The following DCAF6 variants were observed in gnomAD, a reference collection of about 807,000 sequenced individuals.
DCAF6 encodes DDB1 and CUL4 associated factor 6.
Under a neutral mutation model 125.1 loss-of-function variants are expected in DCAF6, and 54 were observed. The ratio of observed to expected loss-of-function variants is 0.43; its 90% CI spans 0.35 to 0.54. DCAF6 has a LOEUF of 0.54. DCAF6 is among the 20% of genes least tolerant of loss of function. The probability of loss-of-function intolerance (pLI) is 0.01; values close to 1 mark genes in which losing one functional copy is unlikely to be tolerated. For synonymous variants in DCAF6, 371 were observed against 390.4 expected (o/e 0.95, Z 0.58); for missense variants, 934 against 1,161.7 (o/e 0.80, Z 2.85).
At chr1:168,063,242 T>G (rs1490869014) in intron 17 of DCAF6, among the ~76,000 whole-genome samples, 2 of 152,226 alleles carry the variant, frequency 1.3e-5, no homozygotes, top group Non-Finnish European at 2.9e-5. Context: ...TCTTTATGTG[T>G]TTTCTTAATA....
chr1:167,994,532 A>G (rs1424182008), intron 7 of DCAF6, among the ~76,000 whole-genome samples: 1 of 152,198 alleles, frequency 6.6e-6, no homozygotes, highest in Admixed American at 6.5e-5. Context: ...CAAAATAAAT[A>G]TAAGTGGGAA....
chr1:167,915,431 T>C, the DCAF6 span, among the ~76,000 whole-genome samples: 1 of 152,204 alleles, frequency 6.6e-6, no homozygotes, highest in African/African-American at 2.4e-5. Flanking sequence ...TAAAGAAAAG[T>C]ACTTTCTGGG....
chr1:168,047,003 A>G (rs1007936494), intron 16 of DCAF6, among the ~76,000 whole-genome samples: 29 of 152,152 alleles, frequency 1.9e-4, no homozygotes, highest in Admixed American at 1.3e-4. Flanking sequence ...ATGCAGGCTA[A>G]TTATAACACT....
chr1:167,983,821 A>T (rs966909814), intron 4 of DCAF6, among the ~76,000 whole-genome samples: 1 of 152,118 alleles, frequency 6.6e-6, no homozygotes, highest in African/African-American at 2.4e-5. Flanking sequence ...ATTGCTGTTG[A>T]TTATTTTTGA....
chr1:167,960,947 G>C (rs1178620678), intron 2 of DCAF6, among the ~76,000 whole-genome samples: 1 of 152,064 alleles, frequency 6.6e-6, no homozygotes, highest in Admixed American at 6.5e-5. Flanking sequence ...TTGACATCTT[G>C]AAAATACTGA....
chr1:168,017,535 G>A (rs1685145208), intron 11 of DCAF6, among the ~76,000 whole-genome samples: 1 of 152,042 alleles, frequency 6.6e-6, no homozygotes, highest in Non-Finnish European at 1.5e-5. Flanking sequence ...GCTTTAGAGT[G>A]AATGTGTGGT....
At chr1:167,998,234 A>G (rs1043767649) in intron 7 of DCAF6, among the ~76,000 whole-genome samples, 2 of 152,226 alleles carry the variant, frequency 1.3e-5, no homozygotes, top group Non-Finnish European at 2.9e-5. Context: ...AGTGTGCAAT[A>G]GCATTATATC....
At chr1:168,002,852 A>G (rs184655260) in intron 8 of DCAF6, among the ~76,000 whole-genome samples, 3 of 152,248 alleles carry the variant, frequency 2.0e-5, no homozygotes, top group East Asian at 1.9e-4. Context: ...CCATTACCCC[A>G]TAGTACGTTG....
chr1:167,873,150 G>A, the DCAF6 span, among the ~76,000 whole-genome samples: 3 of 152,140 alleles, frequency 2.0e-5, no homozygotes, highest in Non-Finnish European at 4.4e-5. Context: ...TAGAAAGAAG[G>A]TTAGGATTCT....
chr1:167,894,907 G>T, the DCAF6 span, among the ~76,000 whole-genome samples: 1 of 152,110 alleles, frequency 6.6e-6, no homozygotes, highest in African/African-American at 2.4e-5. Context: ...ACTGCAGGCC[G>T]AGCACGGTGG....
chr1:167,981,521 C>T (rs527734349), intron 4 of DCAF6, among the ~76,000 whole-genome samples: 2 of 152,312 alleles, frequency 1.3e-5, no homozygotes, highest in South Asian at 2.1e-4. Flanking sequence ...TTCACCCCTT[C>T]CTTCCCTTTC....
chr1:168,067,121 A>G (rs114306523), intron 20 of DCAF6, among the ~76,000 whole-genome samples: 2,788 of 152,236 alleles, frequency 0.018, 78 homozygotes, highest in African/African-American at 0.064. Flanking sequence ...CTCATATACT[A>G]TTTCTTATGA....
intron 13 of DCAF6, among the ~76,000 whole-genome samples, chr1:168,039,428 A>C (rs1688221241): frequency 6.6e-6 from 1 of 151,196 alleles, no homozygotes; most frequent in Admixed American, 6.6e-5. Flanking sequence ...TTTATTGCTC[A>C]TTAATCTAAT....
Position 168,004,592 on chromosome 1 carries a change from G to A in DCAF6, c.1177G>A (p.Glu393Lys), listed in dbSNP as rs996171977. Residue 393 changes from glutamate (E) to lysine (K), a missense_variant, in exon 10 of 22, where the codon GAA becomes AAA. By Grantham distance (56) the Glu-to-Lys change is moderately conservative. This residue lies in a region of DCAF6 where 559 missense variants were observed against 635.5 expected (regional missense o/e 0.88). Coordinates refer to ENST00000367840, the MANE Select transcript of DCAF6 (RefSeq NM_001198956.2). The part of the protein sequence containing the change: ...LPTVPSSPDL[E>K]VSETAMEVDT... ...TACGGTCCCATCAAGTCCTGATTTG[G>A]AAGTGAGTGAAACTGCAATGGAAGT... 2.0e-5 allele frequency: 32 copies of A among 1,611,834 alleles called. No homozygotes were observed. The highest frequency in any genetic ancestry group is 2.6e-5 in the Non-Finnish European group (31 of 1,178,860).
At chr1:167,937,929 G>T (rs150195695) in intron 1 of DCAF6, among the ~76,000 whole-genome samples, 10 of 152,140 alleles carry the variant, frequency 6.6e-5, no homozygotes, top group African/African-American at 1.9e-4. Context: ...TTTGCCACTT[G>T]CTAGTTAAAA....
At chr1:167,933,887 G>A (rs1234683989), upstream of DCAF6, among the ~76,000 whole-genome samples, 1 of 152,140 alleles carries the variant, frequency 6.6e-6, no homozygotes, top group Admixed American at 6.5e-5. Context: ...GAGTCTAAGT[G>A]CAAACGCTGT....
chr1:167,884,956 A>G, the DCAF6 span, among the ~76,000 whole-genome samples: 1 of 152,116 alleles, frequency 6.6e-6, no homozygotes, highest in African/African-American at 2.4e-5. Flanking sequence ...TTGGCCTCCC[A>G]AAGTGCTGGG....
At chr1:168,007,124 C>T (rs936096432) in intron 10 of DCAF6, among the ~76,000 whole-genome samples, 1 of 152,168 alleles carries the variant, frequency 6.6e-6, no homozygotes, top group South Asian at 2.1e-4. Context: ...ATGAAAAGTA[C>T]TCGTTTTCCT....
intron 4 of DCAF6, among the ~76,000 whole-genome samples, chr1:167,980,633 C>CT (rs963638487): frequency 6.6e-6 from 1 of 151,620 alleles, no homozygotes; most frequent in Non-Finnish European, 1.5e-5. Flanking sequence ...ATCTCCTTTG[C>CT]TTTTTTTTAA....
Sources: gnomAD v4.1 joint callset for allele counts (sites outside exome capture counted in the v4.1 genomes callset) on GRCh38, gnomAD v4.1.1 for gene constraint, gnomAD v4.1.1 regional missense constraint, MANE v1.5 for transcripts, NCBI Gene and HGNC (gene_info 2026-07-23, HGNC 2026-07-21) for gene names.